The following ZNF43 variants were observed in gnomAD, a reference collection of about 807,000 sequenced individuals.
ZNF43 encodes zinc finger protein 43, also known as zinc finger protein 39-like 1 (KOX 27).
In ZNF43, 44 loss-of-function variants were observed where a neutral mutation model predicts 68.4. That is an observed-to-expected ratio of 0.64 (90% CI 0.51 to 0.83). The LOEUF (loss-of-function observed/expected upper bound fraction) is 0.83, where lower values mean the gene tolerates loss of function less well. Among genes scored for constraint, ZNF43 ranks in the 40% least tolerant of loss-of-function variants. ZNF43 has a pLI of 0.00. For synonymous variants in ZNF43, 308 were observed against 307.8 expected, an observed-to-expected ratio of 1.00 and a Z score of -0.01; for missense variants, 896 against 933.2, an observed-to-expected ratio of 0.96 and a Z score of 0.52.
intron 3 of ZNF43, among the ~76,000 whole-genome samples, chr19:21,816,605 T>C (rs1225584407): frequency 1.3e-5 from 2 of 152,172 alleles, no homozygotes; most frequent in Admixed American, 1.3e-4. Flanking sequence ...AGGAAGATAC[T>C]GGTTTATAGT....
rs2037036389 is a variant in ZNF43, at chr19:21,807,964, T to G, written c.2073A>C (p.Ser691=). The G allele has an allele frequency of 1.2e-6, 2 of 1,612,924 alleles. No individual in the cohort carries two copies. Among genetic ancestry groups the G allele is most frequent in the Non-Finnish European group, 1.7e-6 (2 of 1,179,812 alleles). The change falls in exon 4 of 4, where the codon TCA becomes TCC. Residue 691 remains serine, a synonymous_variant. Coordinates refer to ENST00000354959, the MANE Select transcript of ZNF43 (RefSeq NM_003423.4). Reference sequence around the variant, plus strand: ...GAATAATCTTATGTGTAGAAAGGGTTGAGGACAGTTTAAAAGCTTTGCCAC... The same window carrying G: ...GAATAATCTTATGTGTAGAAAGGGTGGAGGACAGTTTAAAAGCTTTGCCAC... ...EECGKAFKLS[S]TLSTHKIIHT...
intron 1 of ZNF43, among the ~76,000 whole-genome samples, chr19:21,830,221 T>C (rs1447752947): frequency 1.3e-5 from 2 of 151,470 alleles, no homozygotes; most frequent in African/African-American, 2.4e-5. Context: ...TGAGGCAAGG[T>C]TGTGCCACTG....
At chr19:21,839,355 A>AAAAAG (rs1555726813), upstream of ZNF43, among the ~76,000 whole-genome samples, 8 of 146,232 alleles carry the variant, frequency 5.5e-5, no homozygotes, top group South Asian at 2.5e-4. Context: ...AAAAAAAAAA[A>AAAAAG]AGAGATCACA....
chr19:21,843,892 A>G (rs1209108269), intron 1 of ZNF43, among the ~76,000 whole-genome samples: 1 of 152,200 alleles, frequency 6.6e-6, no homozygotes, highest in Non-Finnish European at 1.5e-5. Context: ...GCAATTTTCC[A>G]CTGCCTCCAG....
chr19:21,811,544 A>AG (rs1448602421), intron 3 of ZNF43, among the ~76,000 whole-genome samples: 1 of 151,772 alleles, frequency 6.6e-6, no homozygotes, highest in Non-Finnish European at 1.5e-5. Flanking sequence ...CTAAAAAAAA[A>AG]AACAAAAAAA....
In ZNF43 at chr19:21,809,375, T is replaced by G. The variant is rs758789861; in HGVS notation, c.662A>C (p.Lys221Thr). The G allele has an allele frequency of 6.2e-7, 1 of 1,613,704 alleles. No individual in the cohort carries two copies. Among genetic ancestry groups the G allele is most frequent in the South Asian group, 1.1e-5 (1 of 91,038 alleles). Residue 221 changes from lysine to threonine, a missense_variant, in exon 4 of 4, where the codon AAG becomes ACG. By Grantham distance (78) the Lys-to-Thr change is moderately conservative. Coordinates refer to ENST00000354959, the MANE Select transcript of ZNF43 (RefSeq NM_003423.4). ...GGGTTTCTCTCCAGTATTAATTCTC[T>G]TATGTTTAGTGATGATTGAAGGGCA... ...FNCPSIITKH[K>T]RINTGEKPYT...
chr19:21,826,756 A>C (rs2038141784), intron 1 of ZNF43, among the ~76,000 whole-genome samples: 1 of 151,306 alleles, frequency 6.6e-6, no homozygotes, highest in South Asian at 2.1e-4. Flanking sequence ...GAATCACTTG[A>C]AACCAGGAGG....
chr19:21,828,510 T>C (rs1385571735), intron 1 of ZNF43, among the ~76,000 whole-genome samples: 2 of 147,664 alleles, frequency 1.4e-5, no homozygotes, highest in East Asian at 4.1e-4. Flanking sequence ...AGGTCAGGAG[T>C]TCGAGACCAG....
At chr19:21,833,930 G>A (rs1260791096) in intron 1 of ZNF43, among the ~76,000 whole-genome samples, 8 of 152,002 alleles carry the variant, frequency 5.3e-5, no homozygotes, top group Admixed American at 4.6e-4. Flanking sequence ...GGGAGGCTGA[G>A]TCAGCAGAAT....
upstream of ZNF43, chr19:21,836,259 T>C (rs1174417121): frequency 6.5e-6 from 9 of 1,377,610 alleles, no homozygotes; most frequent in Non-Finnish European, 8.5e-6. Context: ...CAGCCCAGCG[T>C]CCCTGATTGG....
intron 3 of ZNF43, among the ~76,000 whole-genome samples, chr19:21,810,023 T>C (rs1510964): frequency 0.089 from 13,597 of 152,014 alleles, 858 homozygotes; most frequent in South Asian, 0.21. Flanking sequence ...CCCAGGTGAG[T>C]CCAATGCAAA....
chr19:21,844,347 CAAAAAAAAA>C (rs57500822), intron 1 of ZNF43, among the ~76,000 whole-genome samples: 1 of 43,162 alleles, frequency 2.3e-5, no homozygotes, highest in African/African-American at 5.9e-5. Flanking sequence ...GACTCTGTCT[CAAAAAAAAA>C]AAAAAAAAAA....
In ZNF43 at chr19:21,817,914, C is replaced by T; in HGVS notation, c.203G>A (p.Arg68Lys). ...TGGGGGTTTGGCTACCATTTCATGTCTCCTCATAGGCTCCCAAGGCTCTTT... is the reference window on the plus strand; with the variant it reads ...TGGGGGTTTGGCTACCATTTCATGTTTCCTCATAGGCTCCCAAGGCTCTTT... The part of the protein sequence containing the change: ...QEKEPWEPMR[R>K]HEMVAKPPVM... Residue 68 changes from arginine (R) to lysine (K), a missense_variant, in exon 3 of 4, where the codon AGA (arginine) becomes AAA (lysine). Coordinates refer to ENST00000354959, the MANE Select transcript of ZNF43 (RefSeq NM_003423.4). 1 of 1,613,148 alleles carries T rather than the reference C, an allele frequency of 6.2e-7. No individual in the cohort carries two copies. Among genetic ancestry groups the T allele is most frequent in the Non-Finnish European group, 8.5e-7 (1 of 1,179,348 alleles).
intron 3 of ZNF43, among the ~76,000 whole-genome samples, chr19:21,813,400 C>T (rs1169460859): frequency 3.9e-5 from 6 of 151,968 alleles, no homozygotes; most frequent in Non-Finnish European, 8.8e-5. Context: ...GCACAAAAGC[C>T]AAAAGGCTGA....
At chr19:21,814,432 A>G (rs952956413) in intron 3 of ZNF43, among the ~76,000 whole-genome samples, 6 of 145,514 alleles carry the variant, frequency 4.1e-5, no homozygotes, top group African/African-American at 1.5e-4. Context: ...TTTTTCTGAG[A>G]TGGAGTCTTG....
At chr19:21,816,241 T>TG (rs2037522782) in intron 3 of ZNF43, among the ~76,000 whole-genome samples, 1 of 152,068 alleles carries the variant, frequency 6.6e-6, no homozygotes, top group African/African-American at 2.4e-5. Flanking sequence ...GGCTCACACT[T>TG]GCAATGACAG....
At chr19:21,816,708 C>T (rs1354085340) in intron 3 of ZNF43, among the ~76,000 whole-genome samples, 1 of 152,132 alleles carries the variant, frequency 6.6e-6, no homozygotes, top group African/African-American at 2.4e-5. Context: ...TAACTAGAAA[C>T]CCACACAGTT....
chr19:21,811,195 A>T (rs2037253412), intron 3 of ZNF43, among the ~76,000 whole-genome samples: 2 of 152,190 alleles, frequency 1.3e-5, no homozygotes, highest in South Asian at 4.1e-4. Flanking sequence ...CAATGGTACA[A>T]TTTTTCACAG....
At position 21,809,042 on chromosome 19, in the gene ZNF43, T is replaced by C. The variant is rs770998354; in HGVS notation, c.995A>G (p.His332Arg). The C allele has an allele frequency of 3.7e-6, 6 of 1,613,482 alleles. No individual in the cohort carries two copies. The highest frequency in any genetic ancestry group is 2.2e-5 in the South Asian group (2 of 91,056). Residue 332 changes from histidine (H) to arginine (R), a missense_variant, in exon 4 of 4, where the codon CAT (histidine) becomes CGT (arginine). Coordinates refer to ENST00000354959, the MANE Select transcript of ZNF43 (RefSeq NM_003423.4). The part of the protein sequence containing the change: ...AFNWPSTLTK[H>R]KRIHTGEKPY... ...TTTCTCTCCAGTATGAATTCTCTTATGTTTAGTAAGAGTTGAGGGCCAGTT... is the reference window on the plus strand; with the variant it reads ...TTTCTCTCCAGTATGAATTCTCTTACGTTTAGTAAGAGTTGAGGGCCAGTT...
Sources: allele counts gnomAD v4.1 joint callset (sites outside exome capture counted in the v4.1 genomes callset), GRCh38; gene constraint gnomAD v4.1.1; transcripts MANE v1.5; gene names NCBI Gene and HGNC (gene_info 2026-07-23, HGNC 2026-07-21).